CADM2: variants seen among roughly 807,000 people sequenced by gnomAD.
The protein encoded by CADM2 is immunoglobulin superfamily member 4D.
Under a neutral mutation model 49.8 loss-of-function variants are expected in CADM2, and 12 were observed. The observed-to-expected ratio is 0.24, with a 90% CI of 0.15 to 0.39. The LOEUF is 0.39. CADM2 is among the 10% of genes least tolerant of loss of function. The pLI, the probability that CADM2 is intolerant of heterozygous loss-of-function variation, is 1.00. For synonymous variants in CADM2, 214 were observed against 175.4 expected (o/e 1.22, Z -1.74); for missense variants, 378 against 492.3 (o/e 0.77, Z 2.20).
chr3:85,685,908 G>A (rs746528649), intron 1 of CADM2, among the ~76,000 whole-genome samples: 29 of 152,136 alleles, frequency 1.9e-4, no homozygotes, highest in Non-Finnish European at 3.5e-4. Flanking sequence ...ACAGGCATGG[G>A]CCACCACGCC....
chr3:85,094,081 T>G (rs1310438498), intron 1 of CADM2, among the ~76,000 whole-genome samples: 1 of 152,108 alleles, frequency 6.6e-6, no homozygotes, highest in African/African-American at 2.4e-5. Context: ...GTCTGCCAAG[T>G]TTGTTAAAGT....
At chr3:86,065,559 A>T in intron 8 of CADM2, 46 bp from the exon 9 acceptor site, 1 of 1,567,274 alleles carries the variant, frequency 6.4e-7, no homozygotes, top group Non-Finnish European at 8.6e-7. Context: ...GTATTCTGTG[A>T]CTAAATAACA....
chr3:85,391,254 A>C (rs1259589649), intron 1 of CADM2, among the ~76,000 whole-genome samples: 1 of 152,140 alleles, frequency 6.6e-6, no homozygotes. Context: ...TAGTTGAAAG[A>C]AATAAAAGAC....
intron 7 of CADM2, among the ~76,000 whole-genome samples, chr3:85,942,694 A>G (rs1577723913): frequency 6.6e-6 from 1 of 151,806 alleles, no homozygotes; most frequent in South Asian, 2.1e-4. Flanking sequence ...ATAGTATTCC[A>G]TGGTGTATAT....
intron 1 of CADM2, among the ~76,000 whole-genome samples, chr3:85,354,102 A>G (rs2031612645): frequency 6.6e-6 from 1 of 151,892 alleles, no homozygotes; most frequent in Non-Finnish European, 1.5e-5. Flanking sequence ...ATATACCTTT[A>G]TTTATATTCA....
intron 1 of CADM2, among the ~76,000 whole-genome samples, chr3:85,525,461 G>A (rs897304091): frequency 1.3e-5 from 2 of 152,018 alleles, no homozygotes; most frequent in African/African-American, 2.4e-5. Flanking sequence ...GTTATTCTTG[G>A]TCGTGACTAT....
intron 3 of CADM2, among the ~76,000 whole-genome samples, chr3:85,826,029 C>T (rs1385976645): frequency 6.6e-6 from 1 of 151,972 alleles, no homozygotes; most frequent in Admixed American, 6.6e-5. Flanking sequence ...TCAGTAATAT[C>T]TCTGAAAGTA....
chr3:85,885,587 C>T (rs540413569), intron 4 of CADM2, among the ~76,000 whole-genome samples: 26 of 149,626 alleles, frequency 1.7e-4, no homozygotes, highest in Middle Eastern at 3.5e-3. Context: ...GAGGCTGAGG[C>T]AGGAGAATTG....
At chr3:85,588,337 G>A (rs1223265556) in intron 1 of CADM2, among the ~76,000 whole-genome samples, 2 of 151,952 alleles carry the variant, frequency 1.3e-5, no homozygotes, top group Non-Finnish European at 2.9e-5. Context: ...TAGAGATGAT[G>A]TCTAAAATGC....
intron 8 of CADM2, among the ~76,000 whole-genome samples, chr3:86,019,689 T>C (rs1350092770): frequency 1.3e-5 from 2 of 152,126 alleles, no homozygotes; most frequent in African/African-American, 2.4e-5. Flanking sequence ...TGTCTGTTGT[T>C]GGTGTATAAG....
At chr3:85,037,000 A>G (rs2035242498) in intron 1 of CADM2, among the ~76,000 whole-genome samples, 1 of 89,630 alleles carries the variant, frequency 1.1e-5, no homozygotes, top group Non-Finnish European at 2.7e-5. Flanking sequence ...AAAAATAGAA[A>G]AAAAAAAAAA....
chr3:85,474,529 C>T (rs1005006092), intron 1 of CADM2, among the ~76,000 whole-genome samples: 2 of 151,914 alleles, frequency 1.3e-5, no homozygotes, highest in Non-Finnish European at 2.9e-5. Flanking sequence ...AGCTGGGCCC[C>T]ATGGTGCAGC....
chr3:84,976,461 T>C (rs62250580), intron 1 of CADM2, among the ~76,000 whole-genome samples: 12 of 151,742 alleles, frequency 7.9e-5, no homozygotes, highest in Non-Finnish European at 1.8e-4. Context: ...CCAATATATT[T>C]CAAAAGTATT....
intron 1 of CADM2, among the ~76,000 whole-genome samples, chr3:85,697,044 C>T (rs1258692153): frequency 6.8e-6 from 1 of 146,492 alleles, no homozygotes; most frequent in Non-Finnish European, 1.5e-5. Flanking sequence ...TTCATATTGC[C>T]ATAGCACTAC....
At chr3:85,532,971 A>G (rs1484925560) in intron 1 of CADM2, among the ~76,000 whole-genome samples, 2 of 152,190 alleles carry the variant, frequency 1.3e-5, no homozygotes, top group Admixed American at 6.5e-5. Context: ...TCATGGACAC[A>G]TAGATGGGAA....
At chr3:85,764,322 G>T (rs546538089) in intron 2 of CADM2, among the ~76,000 whole-genome samples, 11 of 152,016 alleles carry the variant, frequency 7.2e-5, no homozygotes, top group Middle Eastern at 3.4e-3. Flanking sequence ...AATTATTCTG[G>T]CAATTAAAAA....
intron 1 of CADM2, among the ~76,000 whole-genome samples, chr3:85,698,261 G>A (rs1013551495): frequency 2.0e-5 from 3 of 152,158 alleles, no homozygotes; most frequent in Admixed American, 6.5e-5. Context: ...CAATTGACAT[G>A]TCCAGTGCAT....
chr3:85,075,390 T>A (rs1157464929), intron 1 of CADM2, among the ~76,000 whole-genome samples: 1 of 152,112 alleles, frequency 6.6e-6, no homozygotes, highest in Non-Finnish European at 1.5e-5. Flanking sequence ...TATCTTCAAT[T>A]AGGAAGTCTT....
rs1054418364 is a variant in CADM2, at chr3:85,019,542, C to A, written c.61+59874C>A. On this transcript the variant is annotated intron_variant, in intron 1 of 9. Coordinates refer to ENST00000383699, the MANE Select transcript of CADM2 (RefSeq NM_001167675.2). ...TGCATCCCTTCAGTCCTGAGCAAACCAAAACAATTGGCCACTCTAACTAAC... is the reference window on the plus strand; with the variant it reads ...TGCATCCCTTCAGTCCTGAGCAAACAAAAACAATTGGCCACTCTAACTAAC... 2.0e-5 allele frequency among the ~76,000 whole-genome samples: 3 copies of A among 152,040 alleles called. No homozygotes were observed. The South Asian group carries it at 6.2e-4, about 32-fold the overall frequency.
Sources: allele counts gnomAD v4.1 joint callset (sites outside exome capture counted in the v4.1 genomes callset), GRCh38; gene constraint gnomAD v4.1.1; transcripts MANE v1.5; gene names NCBI Gene and HGNC (gene_info 2026-07-23, HGNC 2026-07-21).